Variants in PEPD observed in about 807,000 individuals in gnomAD.
The protein encoded by PEPD is peptidase D.
Under a neutral mutation model 60.7 loss-of-function variants are expected in PEPD, and 53 were observed. The ratio of observed to expected loss-of-function variants is 0.87; its 90% CI spans 0.70 to 1.10. The LOEUF is 1.10. Ranked by LOEUF, PEPD falls within the 50% of genes least tolerant of loss-of-function variation. PEPD has a pLI of 0.00. For missense variants in PEPD, 711 were observed against 711.9 expected (o/e 1.00, Z 0.01); for synonymous variants, 267 against 284.1 (o/e 0.94, Z 0.60).
intron 3 of PEPD, 51 bp from the exon 4 acceptor site, chr19:33,501,052 G>A (rs1222737902): frequency 9.1e-7 from 1 of 1,097,610 alleles, no homozygotes; most frequent in African/African-American, 1.5e-5. Context: ...TAATGGCTCA[G>A]CATGGCCACC....
Position 33,387,901 on chromosome 19 carries a change from C to T in PEPD, c.1333G>A (p.Gly445Ser), listed in dbSNP as rs368651528. ...CCGTGGGCACTCACCCCGCCAAAAC[C>T]GCGAAAGCGCTGCAGGACCTCGCGG... ...LNREVLQRFR[G>S]FGGVRIEEDV... Residue 445 changes from glycine (G) to serine (S), a missense_variant, in exon 14 of 15, where the codon GGT becomes AGT. Physicochemically the swap from Gly to Ser is moderately conservative, Grantham distance 56 (BLOSUM62 0). Transcript: ENST00000244137. 33 of 1,571,604 alleles carry T rather than the reference C, an allele frequency of 2.1e-5. 1 individual carries two copies. The highest frequency in any genetic ancestry group is 2.0e-4 in the South Asian group (17 of 85,786).
At chr19:33,418,683 C>T (rs1377142763) in intron 9 of PEPD, among the ~76,000 whole-genome samples, 4 of 152,176 alleles carry the variant, frequency 2.6e-5, no homozygotes, top group East Asian at 1.9e-4. Context: ...CACTGTTCCC[C>T]GTAGGTCTTC....
chr19:33,462,523 C>G (rs139057817), intron 9 of PEPD, among the ~76,000 whole-genome samples: 1,699 of 152,328 alleles, frequency 0.011, 25 homozygotes, highest in South Asian at 0.071. Flanking sequence ...TCCCCGGGTG[C>G]CACTGGCTCG....
intron 6 of PEPD, among the ~76,000 whole-genome samples, chr19:33,481,242 A>G (rs1403894667): frequency 6.6e-6 from 1 of 152,246 alleles, no homozygotes; most frequent in African/African-American, 2.4e-5. Context: ...ACAAATCCCT[A>G]AAGACACAAA....
intron 9 of PEPD, among the ~76,000 whole-genome samples, chr19:33,439,517 T>C (rs1346524373): frequency 6.6e-6 from 1 of 152,210 alleles, no homozygotes; most frequent in Non-Finnish European, 1.5e-5. Context: ...GGGCTGGCTG[T>C]GAGGTTCATT....
intron 4 of PEPD, among the ~76,000 whole-genome samples, chr19:33,496,333 C>T (rs1344553731): frequency 6.6e-6 from 1 of 152,182 alleles, no homozygotes; most frequent in Non-Finnish European, 1.5e-5. Context: ...CGTCTCCTTG[C>T]AGCCCGGTGC....
intron 9 of PEPD, among the ~76,000 whole-genome samples, chr19:33,427,444 C>A (rs1208259124): frequency 6.6e-6 from 1 of 152,206 alleles, no homozygotes. Context: ...ACTTTGGCTC[C>A]ACAGAGGATG....
At chr19:33,481,237 T>A (rs1381842227) in intron 6 of PEPD, among the ~76,000 whole-genome samples, 1 of 152,016 alleles carries the variant, frequency 6.6e-6, no homozygotes, top group African/African-American at 2.4e-5. Flanking sequence ...TTGAAACAAA[T>A]CCCTAAAGAC....
intron 9 of PEPD, among the ~76,000 whole-genome samples, chr19:33,450,192 C>T (rs561141663): frequency 6.1e-4 from 93 of 152,316 alleles, no homozygotes; most frequent in Non-Finnish European, 1.2e-3. Context: ...CTCCAGACCC[C>T]CCGTGCTGCC....
At chr19:33,505,440 A>C (rs1970781639) in intron 3 of PEPD, among the ~76,000 whole-genome samples, 1 of 152,034 alleles carries the variant, frequency 6.6e-6, no homozygotes, top group Non-Finnish European at 1.5e-5. Flanking sequence ...GAGGCTGGAG[A>C]CCAGGTCCAG....
chr19:33,510,912 G>T (rs1312292503), intron 3 of PEPD, 116 bp downstream of exon 3: 2 of 1,080,938 alleles, frequency 1.9e-6, no homozygotes, highest in East Asian at 5.2e-5. Flanking sequence ...CCTTCCTCCT[G>T]CAGCTCTTCC....
chr19:33,443,205 A>C (rs1372424800), intron 9 of PEPD, among the ~76,000 whole-genome samples: 3 of 152,178 alleles, frequency 2.0e-5, no homozygotes. Context: ...GTCACTGAAC[A>C]CCATGTTTTC....
intron 1 of PEPD, among the ~76,000 whole-genome samples, chr19:33,517,060 G>A (rs562154855): frequency 4.6e-5 from 7 of 152,066 alleles, no homozygotes; most frequent in Non-Finnish European, 4.4e-5. Flanking sequence ...TTGTGCATGT[G>A]GTCCCAGCTA....
chr19:33,391,185 C>T, intron 13 of PEPD, 110 bp downstream of exon 13: 1 of 899,894 alleles, frequency 1.1e-6, no homozygotes, highest in Non-Finnish European at 1.8e-6. Flanking sequence ...GGGCCCATCC[C>T]TGCCATCCCA....
chr19:33,395,896 G>A (rs1283852054), intron 12 of PEPD, among the ~76,000 whole-genome samples: 1 of 152,196 alleles, frequency 6.6e-6, no homozygotes, highest in Non-Finnish European at 1.5e-5. Flanking sequence ...GCACGGGGCT[G>A]AGGACCTCCA....
chr19:33,506,878 ACCC>A (rs990088182), intron 3 of PEPD, among the ~76,000 whole-genome samples: 1 of 134,608 alleles, frequency 7.4e-6, no homozygotes, highest in Non-Finnish European at 1.6e-5. Flanking sequence ...CACACCACAC[ACCC>A]CCATCACAAA....
chr19:33,510,980 C>A (rs200235768), intron 3 of PEPD, 48 bp downstream of exon 3: 2 of 1,594,584 alleles, frequency 1.3e-6, no homozygotes, highest in African/African-American at 2.7e-5. Context: ...CTACCCACCC[C>A]CAGCCCATGG....
intron 9 of PEPD, among the ~76,000 whole-genome samples, chr19:33,423,736 T>C (rs1246577372): frequency 1.5e-4 from 23 of 152,268 alleles, no homozygotes; most frequent in Admixed American, 1.5e-3. Context: ...GATCTGACTA[T>C]CATTTATGTA....
At chr19:33,486,996 C>G (rs1249118343) in intron 6 of PEPD, 1 of 152,414 alleles carries the variant, frequency 6.6e-6, no homozygotes, top group Non-Finnish European at 1.5e-5. Flanking sequence ...ATGCCGGGAA[C>G]AAGCAGCTTC....
Sources: allele counts gnomAD v4.1 joint callset (sites outside exome capture counted in the v4.1 genomes callset), GRCh38; gene constraint gnomAD v4.1.1; transcripts MANE v1.5; gene names NCBI Gene and HGNC (gene_info 2026-07-23, HGNC 2026-07-21).